The following RYR2 variants were observed in gnomAD, a reference collection of about 807,000 sequenced individuals.
RYR2 encodes the protein ryanodine receptor 2, also known as cardiac muscle ryanodine receptor-calcium release channel.
RYR2 carries 227 observed loss-of-function variants against 601.1 expected under a neutral mutation model. The ratio of observed to expected loss-of-function variants is 0.38; its 90% CI spans 0.34 to 0.42. The LOEUF is 0.42. Ranked by LOEUF, RYR2 falls within the 10% of genes least tolerant of loss-of-function variation. The pLI is 1.00. For synonymous variants in RYR2, 2,223 were observed against 2,175.1 expected (o/e 1.02, Z -0.61); for missense variants, 4,646 against 6,156.5 (o/e 0.75, Z 8.21).
intron 2 of RYR2, among the ~76,000 whole-genome samples, chr1:237,315,223 T>C (rs1694993103): frequency 6.6e-6 from 1 of 152,110 alleles, no homozygotes; most frequent in Admixed American, 6.5e-5. Flanking sequence ...TGTGAACGAA[T>C]TGGGTGTATA....
At chr1:237,622,160 G>A (rs1391559211) in intron 38 of RYR2, among the ~76,000 whole-genome samples, 1 of 152,076 alleles carries the variant, frequency 6.6e-6, no homozygotes, top group Non-Finnish European at 1.5e-5. Flanking sequence ...ATCTAAAATA[G>A]TTTCTTAAAG....
At chr1:237,630,759 T>TATTACAA (rs1380570258) in intron 41 of RYR2, among the ~76,000 whole-genome samples, 1 of 152,178 alleles carries the variant, frequency 6.6e-6, no homozygotes, top group African/African-American at 2.4e-5. Context: ...TTGACACACA[T>TATTACAA]ATTACAAGAA....
chr1:237,191,274 A>C (rs1057272470), intron 1 of RYR2, among the ~76,000 whole-genome samples: 1 of 152,060 alleles, frequency 6.6e-6, no homozygotes, highest in African/African-American at 2.4e-5. Flanking sequence ...GGCCTATATA[A>C]GTTTCTGTGC....
At chr1:237,654,166 T>G (rs1683023477) in intron 51 of RYR2, 108 bp from the exon 52 acceptor site, 8 of 1,369,430 alleles carry the variant, frequency 5.8e-6, no homozygotes, top group Admixed American at 2.4e-5. Context: ...GCAATTTCAC[T>G]TCAGATGACC....
chr1:237,583,597 C>T (rs1674174128), intron 29 of RYR2, among the ~76,000 whole-genome samples: 1 of 152,106 alleles, frequency 6.6e-6, no homozygotes, highest in Admixed American at 6.5e-5. Flanking sequence ...GAATTTACAT[C>T]TTCATATAAT....
chr1:237,088,669 C>G (rs11805513), intron 1 of RYR2, among the ~76,000 whole-genome samples: 54,148 of 152,018 alleles, frequency 0.36, 11,116 homozygotes, highest in Middle Eastern at 0.46. Flanking sequence ...CAGAAATTGT[C>G]CTGCATTGGT....
intron 2 of RYR2, among the ~76,000 whole-genome samples, chr1:237,328,381 A>G (rs1696366407): frequency 6.6e-6 from 1 of 152,112 alleles, no homozygotes; most frequent in African/African-American, 2.4e-5. Context: ...ATTCCAGAGT[A>G]GAAGAGAGTC....
At chr1:237,823,199 A>G (rs1662713438) in intron 101 of RYR2, among the ~76,000 whole-genome samples, 3 of 152,194 alleles carry the variant, frequency 2.0e-5, no homozygotes, top group Admixed American at 2.0e-4. Flanking sequence ...CATCTACAGA[A>G]CTCTCCACCC....
At chr1:237,186,357 C>T (rs6668069) in intron 1 of RYR2, among the ~76,000 whole-genome samples, 51,141 of 151,922 alleles carry the variant, frequency 0.34, 8,684 homozygotes, top group East Asian at 0.48. Flanking sequence ...AAACAAGTAT[C>T]GTACTAAGGT....
intron 1 of RYR2, among the ~76,000 whole-genome samples, chr1:237,068,341 C>T (rs1034860953): frequency 6.6e-6 from 1 of 152,060 alleles, no homozygotes; most frequent in Non-Finnish European, 1.5e-5. Context: ...ATTTATGCCT[C>T]AGCAAAAATA....
At chr1:237,100,390 CCT>C (rs34925489) in intron 1 of RYR2, among the ~76,000 whole-genome samples, 14 of 146,078 alleles carry the variant, frequency 9.6e-5, no homozygotes, top group Admixed American at 2.8e-4. Context: ...TTTTTTCTTT[CCT>C]CTCTCTCTCT....
chr1:237,256,786 C>T (rs918241), intron 1 of RYR2, among the ~76,000 whole-genome samples: 8 of 151,906 alleles, frequency 5.3e-5, no homozygotes, highest in African/African-American at 1.9e-4. Flanking sequence ...AAAGTGAGAA[C>T]GGTCGCTTTC....
intron 11 of RYR2, among the ~76,000 whole-genome samples, chr1:237,422,755 C>G (rs1705724558): frequency 6.6e-6 from 1 of 152,072 alleles, no homozygotes; most frequent in Admixed American, 6.6e-5. Flanking sequence ...TGCATTAGAG[C>G]TTGACTAATC....
intron 3 of RYR2, among the ~76,000 whole-genome samples, chr1:237,350,475 G>A (rs1296235898): frequency 6.8e-6 from 1 of 147,902 alleles, no homozygotes; most frequent in Non-Finnish European, 1.5e-5. Flanking sequence ...GGAGGCTGAG[G>A]CAGGAGAATA....
In RYR2 at chr1:237,362,130, T is replaced by C. The variant is rs546704196; in HGVS notation, c.295-2228T>C. On this transcript the variant is annotated intron_variant, in intron 4 of 104. Coordinates refer to ENST00000366574, the MANE Select transcript of RYR2 (RefSeq NM_001035.3). ...TGTATTTGGAGCTCCATCTGATGTGTCAATTCCGGATTAATCTAAACCTGG... is the reference window on the plus strand; with the variant it reads ...TGTATTTGGAGCTCCATCTGATGTGCCAATTCCGGATTAATCTAAACCTGG... Among the ~76,000 whole-genome samples, 82 of 152,324 alleles carry C rather than the reference T, an allele frequency of 5.4e-4. 1 individual carries two copies. Among genetic ancestry groups the C allele is most frequent in the Middle Eastern group, 3.4e-3 (1 of 294 alleles).
intron 48 of RYR2, among the ~76,000 whole-genome samples, 152 bp downstream of exon 48, chr1:237,643,599 A>G (rs1681805767): frequency 7.1e-6 from 1 of 141,814 alleles, no homozygotes. Flanking sequence ...GCTGTAAAGT[A>G]TATATTTTAT....
chr1:237,579,202 T>C (rs1673604245), intron 29 of RYR2, among the ~76,000 whole-genome samples: 1 of 151,710 alleles, frequency 6.6e-6, no homozygotes, highest in Non-Finnish European at 1.5e-5. Flanking sequence ...TTCTTTGCCT[T>C]GTGCTCTCTT....
intron 29 of RYR2, among the ~76,000 whole-genome samples, chr1:237,578,260 A>T (rs1673487718): frequency 6.6e-6 from 1 of 151,884 alleles, no homozygotes; most frequent in South Asian, 2.1e-4. Context: ...GATCTCAAGC[A>T]CAAGTGGATG....
chr1:237,116,229 AC>A (rs892195518), intron 1 of RYR2, among the ~76,000 whole-genome samples: 47 of 152,264 alleles, frequency 3.1e-4, no homozygotes, highest in African/African-American at 1.1e-3. Flanking sequence ...GACTTGCCCA[AC>A]CACTTACCTA....
Sources: gnomAD v4.1 joint callset for allele counts (sites outside exome capture counted in the v4.1 genomes callset) on GRCh38, gnomAD v4.1.1 for gene constraint, MANE v1.5 for transcripts, NCBI Gene and HGNC (gene_info 2026-07-23, HGNC 2026-07-21) for gene names.